Variants in ANO4 observed in about 807,000 individuals in gnomAD.
The protein encoded by ANO4 is anoctamin 4.
A neutral mutation model predicts 141.9 loss-of-function variants in ANO4; 69 were observed. The observed-to-expected ratio is 0.49, with a 90% CI of 0.40 to 0.59. The LOEUF is 0.59. Ranked by LOEUF, ANO4 falls within the 20% of genes least tolerant of loss-of-function variation. The probability of loss-of-function intolerance (pLI) is 0.00; values close to 1 mark genes in which losing one functional copy is unlikely to be tolerated. For missense variants in ANO4, 894 were observed against 1,162.2 expected (o/e 0.77, Z 3.36); for synonymous variants, 350 against 394.3 (o/e 0.89, Z 1.33).
intron 7 of ANO4, among the ~76,000 whole-genome samples, chr12:100,984,644 G>C (rs2044628993): frequency 6.6e-6 from 1 of 152,124 alleles, no homozygotes; most frequent in Admixed American, 6.5e-5. Flanking sequence ...GGAAAAGAAG[G>C]CTCTGAAGGG....
chr12:100,948,472 A>G (rs575768999), intron 5 of ANO4, among the ~76,000 whole-genome samples: 1 of 152,166 alleles, frequency 6.6e-6, no homozygotes, highest in African/African-American at 2.4e-5. Flanking sequence ...TGTTTTTCCT[A>G]ATTTTTACTT....
chr12:100,971,388 A>G lies in ANO4; in HGVS notation c.539A>G (p.Asn180Ser). The change falls in exon 6 of 28, where the codon AAT becomes AGT. Residue 180 changes from asparagine to serine, a missense_variant. Asn to Ser is a conservative substitution (Grantham distance 46). This residue lies in a region of ANO4 where 257 missense variants were observed against 253.0 expected (regional missense o/e 1.02). Coordinates refer to ENST00000392977, the MANE Select transcript of ANO4 (RefSeq NM_001286615.2). Reference sequence around the variant, plus strand: ...CTTGGAAGATATGCAGAACAAATGAATGTAAGAATGCCTTTCAGGTAGGTG... The same window carrying G: ...CTTGGAAGATATGCAGAACAAATGAGTGTAAGAATGCCTTTCAGGTAGGTG... Reference protein sequence around the residue: ...EVLGRYAEQMNVRMPFRRKIY... With the variant: ...EVLGRYAEQMSVRMPFRRKIY... 6.2e-7 allele frequency: 1 copy of G among 1,605,114 alleles called. No homozygotes were observed. The highest frequency in any genetic ancestry group is 8.5e-7 in the Non-Finnish European group (1 of 1,173,120).
At chr12:100,840,999 C>A (rs2037215715) in intron 1 of ANO4, among the ~76,000 whole-genome samples, 1 of 152,082 alleles carries the variant, frequency 6.6e-6, no homozygotes, top group East Asian at 1.9e-4. Flanking sequence ...TTGACAAAAT[C>A]CAATGAAATG....
intron 3 of ANO4, among the ~76,000 whole-genome samples, chr12:100,761,702 T>C (rs948432086): frequency 6.6e-6 from 1 of 152,190 alleles, no homozygotes; most frequent in Non-Finnish European, 1.5e-5. Context: ...GCCACTCTTA[T>C]CAGTTAGAGA....
At chr12:100,840,356 C>A (rs375854038) in intron 1 of ANO4, among the ~76,000 whole-genome samples, 2 of 152,018 alleles carry the variant, frequency 1.3e-5, no homozygotes, top group South Asian at 4.2e-4. Flanking sequence ...TGGTAGTAAT[C>A]CTACCATCTA....
chr12:101,113,799 T>G (rs1296870197), intron 24 of ANO4, among the ~76,000 whole-genome samples: 1 of 152,196 alleles, frequency 6.6e-6, no homozygotes, highest in East Asian at 1.9e-4. Flanking sequence ...TTATAAGTGG[T>G]GAGTGGCTTT....
intron 21 of ANO4, among the ~76,000 whole-genome samples, chr12:101,098,547 G>A (rs945462390): frequency 3.3e-5 from 5 of 152,186 alleles, no homozygotes; most frequent in Admixed American, 3.3e-4. Context: ...CAGCCAGAAC[G>A]ATTAGTGGGA....
intron 3 of ANO4, among the ~76,000 whole-genome samples, chr12:100,746,626 A>AGGT (rs2032123527): frequency 6.6e-6 from 1 of 152,204 alleles, no homozygotes; most frequent in African/African-American, 2.4e-5. Flanking sequence ...ACTTGGCAGG[A>AGGT]GGTATCACAG....
At chr12:100,941,339 G>C (rs760159518) in intron 4 of ANO4, among the ~76,000 whole-genome samples, 1 of 151,872 alleles carries the variant, frequency 6.6e-6, no homozygotes, top group Non-Finnish European at 1.5e-5. Context: ...TTATTCTCTT[G>C]CTCTAAAGAC....
chr12:101,069,755 C>T (rs1250145124), intron 14 of ANO4, among the ~76,000 whole-genome samples: 4 of 152,078 alleles, frequency 2.6e-5, no homozygotes, highest in African/African-American at 9.7e-5. Flanking sequence ...TCTCATTTGT[C>T]TTTATGTACT....
chr12:101,123,318 TTTTTA>T (rs2051170489), intron 26 of ANO4, among the ~76,000 whole-genome samples: 1 of 152,208 alleles, frequency 6.6e-6, no homozygotes, highest in Admixed American at 6.5e-5. Context: ...GTTTGGGATT[TTTTTA>T]TTTTAAGTTC....
At chr12:100,820,374 C>T (rs1593423199) in intron 1 of ANO4, among the ~76,000 whole-genome samples, 1 of 129,178 alleles carries the variant, frequency 7.7e-6, no homozygotes, top group Non-Finnish European at 1.7e-5. Context: ...AAAAAAAATG[C>T]CCTTCTTTCC....
intron 3 of ANO4, among the ~76,000 whole-genome samples, chr12:100,766,223 G>A (rs1248282110): frequency 2.6e-5 from 4 of 152,064 alleles, no homozygotes; most frequent in Non-Finnish European, 5.9e-5. Context: ...AAGCTATATA[G>A]TATTCTGTTG....
chr12:100,789,464 A>T (rs943412881), intron 3 of ANO4, among the ~76,000 whole-genome samples: 4 of 152,244 alleles, frequency 2.6e-5, no homozygotes, highest in African/African-American at 9.6e-5. Context: ...TAAAGCAATG[A>T]TGACAACGGT....
intron 12 of ANO4, among the ~76,000 whole-genome samples, chr12:101,042,809 TTC>T (rs1343202596): frequency 6.6e-6 from 1 of 152,210 alleles, no homozygotes; most frequent in Admixed American, 6.5e-5. Context: ...GAACTAACAA[TTC>T]TCTCTTATGA....
Position 101,099,611 on chromosome 12 carries a change from A to G in ANO4, c.2040A>G (p.Val680=). The change falls in exon 22 of 28, where the codon GTA becomes GTG. Residue 680 remains valine (V), a synonymous_variant. Transcript: ENST00000392977. The part of the protein sequence containing the change: ...LIQNWWTRRK[V]RQEHGPERKI... ...AGAATTGGTGGACTAGAAGAAAAGT[A>G]CGACAAGAACATGGACCTGAAAGGA... 1 of 1,604,068 alleles carries G rather than the reference A, an allele frequency of 6.2e-7. No individual in the cohort carries two copies. The highest frequency in any genetic ancestry group is 1.3e-5 in the African/African-American group (1 of 74,316).
At chr12:101,070,788 C>A in intron 14 of ANO4, among the ~76,000 whole-genome samples, 1 of 152,078 alleles carries the variant, frequency 6.6e-6, no homozygotes, top group East Asian at 1.9e-4. Flanking sequence ...GGATTAATAA[C>A]CAGAATATAT....
intron 2 of ANO4, among the ~76,000 whole-genome samples, chr12:100,911,363 C>T (rs1354863128): frequency 2.6e-5 from 4 of 152,094 alleles, no homozygotes; most frequent in Non-Finnish European, 5.9e-5. Flanking sequence ...AGAAACATTT[C>T]TAGCAAATTA....
chr12:101,101,585 C>T (rs77552027), intron 22 of ANO4, among the ~76,000 whole-genome samples: 20,667 of 151,896 alleles, frequency 0.14, 1,461 homozygotes, highest in South Asian at 0.19. Flanking sequence ...AATCCCTCAA[C>T]CCTCCACATA....
Sources: allele counts gnomAD v4.1 joint callset (sites outside exome capture counted in the v4.1 genomes callset), GRCh38; gene constraint gnomAD v4.1.1; regional missense constraint gnomAD v4.1.1; transcripts MANE v1.5; gene names NCBI Gene and HGNC (gene_info 2026-07-23, HGNC 2026-07-21).